NCOA1: variants seen among roughly 807,000 people sequenced by gnomAD.
The protein encoded by NCOA1 is nuclear receptor coactivator 1.
NCOA1 carries 35 observed loss-of-function variants against 150.9 expected under a neutral mutation model. The observed-to-expected ratio is 0.23, with a 90% CI of 0.18 to 0.31. NCOA1 has a LOEUF of 0.31. Ranked by LOEUF, NCOA1 falls within the 10% of genes least tolerant of loss-of-function variation. The probability of loss-of-function intolerance (pLI) is 1.00; values close to 1 mark genes in which losing one functional copy is unlikely to be tolerated. For missense variants in NCOA1, 1,491 were observed against 1,749.3 expected (o/e 0.85, Z 2.63); for synonymous variants, 590 against 630.0 (o/e 0.94, Z 0.95).
At position 24,739,438 on chromosome 2, in the gene NCOA1, C is replaced by A. The variant is rs1482223031; in HGVS notation, c.3208C>A (p.His1070Asn). Reference protein sequence around the residue: ...QRLQGQQQLIHQNRQAILNQF... With the variant: ...QRLQGQQQLINQNRQAILNQF... ...TGTTTCCATTTTTCTCTAGTTGATA[C>A]ACCAAAATCGGCAAGCTATCTTAAA... Residue 1070 changes from histidine to asparagine, a missense_variant, in exon 18 of 23, where the codon CAC (histidine) becomes AAC (asparagine). By Grantham distance (68) the His-to-Asn change is moderately conservative. Coordinates refer to ENST00000348332, the MANE Select transcript of NCOA1 (RefSeq NM_003743.5). The A allele has an allele frequency of 6.2e-7, 1 of 1,612,450 alleles. No homozygotes were observed. The highest frequency in any genetic ancestry group is 8.5e-7 in the Non-Finnish European group (1 of 1,178,714).
chr2:24,500,945 G>T (rs1558745078), intron 1 of NCOA1, among the ~76,000 whole-genome samples: 1 of 152,160 alleles, frequency 6.6e-6, no homozygotes, highest in Non-Finnish European at 1.5e-5. Context: ...AATTATATGT[G>T]TTAACTTTAA....
intron 1 of NCOA1, among the ~76,000 whole-genome samples, chr2:24,518,353 C>T (rs927495456): frequency 3.3e-5 from 5 of 152,024 alleles, no homozygotes; most frequent in African/African-American, 1.2e-4. Flanking sequence ...ATAAATGGAG[C>T]ATATTTATGA....
intron 3 of NCOA1, among the ~76,000 whole-genome samples, chr2:24,610,339 T>A (rs1447034282): frequency 6.6e-6 from 1 of 151,858 alleles, no homozygotes. Context: ...GACAGGGTTT[T>A]ACCGTGTTAG....
chr2:24,536,446 A>G (rs1665146877), intron 1 of NCOA1, among the ~76,000 whole-genome samples: 1 of 152,120 alleles, frequency 6.6e-6, no homozygotes, highest in African/African-American at 2.4e-5. Flanking sequence ...TCTGAAGCCT[A>G]CTTCTGTCAT....
intron 17 of NCOA1, among the ~76,000 whole-genome samples, chr2:24,731,037 CAA>C (rs202108180): frequency 6.5e-5 from 4 of 61,452 alleles, no homozygotes; most frequent in East Asian, 4.5e-4. Context: ...GACTCTGTCT[CAA>C]AAAAAAAAAA....
intron 1 of NCOA1, among the ~76,000 whole-genome samples, chr2:24,519,051 T>TA (rs780240786): frequency 1.3e-5 from 2 of 152,178 alleles, no homozygotes; most frequent in Non-Finnish European, 2.9e-5. Flanking sequence ...TTGTAAGACT[T>TA]ACACTACTTA....
In NCOA1 at chr2:24,674,113, ATATG is replaced by A. The variant is rs1222119379; in HGVS notation, c.354+660_354+663del. ...CTCTCCTACATGAATGTTTAAAGACATATGTATGTATGTGTGTGTGTGTGTGTGT... is the reference window on the plus strand; with the variant it reads ...CTCTCCTACATGAATGTTTAAAGACATATGTATGTGTGTGTGTGTGTGTGT... On this transcript the variant is annotated intron_variant, in intron 7 of 22. Transcript: ENST00000348332. Among the ~76,000 whole-genome samples, 35 of 105,380 alleles carry A rather than the reference ATATG, an allele frequency of 3.3e-4. 1 individual carries two copies. The highest frequency in any genetic ancestry group is 4.0e-5 in the Non-Finnish European group (2 of 50,310). 69.1% of individuals were successfully genotyped at this position (105,380 alleles called of 152,430 possible).
intron 1 of NCOA1, among the ~76,000 whole-genome samples, 53 bp downstream of exon 1, chr2:24,491,655 G>C (rs1386542452): frequency 8.0e-5 from 12 of 150,528 alleles, no homozygotes; most frequent in Non-Finnish European, 1.5e-4. Context: ...GCTGTCACGA[G>C]CCGCGCGGCC....
At chr2:24,741,505 G>A (rs139135198) in intron 18 of NCOA1, among the ~76,000 whole-genome samples, 233 of 152,252 alleles carry the variant, frequency 1.5e-3, no homozygotes, top group Middle Eastern at 6.8e-3. Context: ...TCAGTTCTGT[G>A]TGACTTTTCA....
intron 14 of NCOA1, among the ~76,000 whole-genome samples, chr2:24,723,429 G>A (rs771815214): frequency 1.7e-4 from 26 of 152,202 alleles, no homozygotes; most frequent in Non-Finnish European, 2.5e-4. Flanking sequence ...CACATGTGAC[G>A]GTATATCTGA....
At chr2:24,731,106 G>A (rs953598044) in intron 17 of NCOA1, among the ~76,000 whole-genome samples, 1 of 150,684 alleles carries the variant, frequency 6.6e-6, no homozygotes, top group African/African-American at 2.4e-5. Flanking sequence ...TGCTTGTTAT[G>A]AATCTTGTAG....
intron 8 of NCOA1, among the ~76,000 whole-genome samples, chr2:24,690,532 A>C (rs1287500359): frequency 6.6e-6 from 1 of 151,238 alleles, no homozygotes; most frequent in Non-Finnish European, 1.5e-5. Context: ...CACACCTATA[A>C]TCCCAGCTAC....
chr2:24,762,805 T>C, intron 22 of NCOA1, 29 bp downstream of exon 22: 7 of 1,578,394 alleles, frequency 4.4e-6, no homozygotes, highest in Non-Finnish European at 6.1e-6. Context: ...AGCCCAGAGC[T>C]GTCAAATGTA....
At chr2:24,751,166 A>G (rs995763926) in intron 19 of NCOA1, among the ~76,000 whole-genome samples, 1 of 150,886 alleles carries the variant, frequency 6.6e-6, no homozygotes, top group African/African-American at 2.4e-5. Flanking sequence ...GGGGTTTCTC[A>G]TGTTGGCCAG....
intron 18 of NCOA1, among the ~76,000 whole-genome samples, chr2:24,740,714 A>AG (rs1663560025): frequency 6.6e-6 from 1 of 152,210 alleles, no homozygotes; most frequent in South Asian, 2.1e-4. Flanking sequence ...TATAAATCTT[A>AG]GTGCTAGCTA....
intron 14 of NCOA1, among the ~76,000 whole-genome samples, chr2:24,720,685 A>C (rs1236245822): frequency 6.6e-6 from 1 of 152,220 alleles, no homozygotes; most frequent in East Asian, 1.9e-4. Flanking sequence ...TGAAAAAGGA[A>C]AAAAGAATTA....
At chr2:24,703,332 T>C (rs1673257224) in intron 11 of NCOA1, among the ~76,000 whole-genome samples, 1 of 152,220 alleles carries the variant, frequency 6.6e-6, no homozygotes, top group Non-Finnish European at 1.5e-5. Flanking sequence ...CTGGAGAGTC[T>C]TACTGAGTTC....
chr2:24,766,257 A>G (rs1007209295), intron 22 of NCOA1, among the ~76,000 whole-genome samples: 4 of 152,184 alleles, frequency 2.6e-5, no homozygotes, highest in South Asian at 2.1e-4. Context: ...AGTTTGTTTT[A>G]TCATGCCTTT....
Position 24,607,189 on chromosome 2 carries a change from G to GTTT in NCOA1, c.-175+22641_-175+22643dup, listed in dbSNP as rs397976699. Among the ~76,000 whole-genome samples the GTTT allele has an allele frequency of 4.3e-3, 603 of 139,458 alleles. 8 individuals are homozygous for GTTT. The highest frequency in any genetic ancestry group is 0.015 in the African/African-American group (577 of 37,664). The allele number at this position is 139,458 out of a possible 152,430, so 91.5% of individuals were successfully genotyped here. ...GAATGTGAACAGTGAGGGGTACTGT[G>GTTT]TTTTTTTTTTTTTTGAGTCTATTTG... On this transcript the variant is annotated intron_variant, in intron 3 of 22. Transcript: ENST00000348332.
Sources: allele counts gnomAD v4.1 joint callset (sites outside exome capture counted in the v4.1 genomes callset), GRCh38; gene constraint gnomAD v4.1.1; transcripts MANE v1.5; gene names NCBI Gene and HGNC (gene_info 2026-07-23, HGNC 2026-07-21).